The following NUFIP1 variants were observed in gnomAD, a reference collection of about 807,000 sequenced individuals.
NUFIP1 encodes the protein FMR1-interacting protein NUFIP1.
Under a neutral mutation model 56.2 loss-of-function variants are expected in NUFIP1, and 38 were observed. The observed-to-expected ratio is 0.68, with a 90% CI of 0.52 to 0.89. NUFIP1 has a LOEUF of 0.89. Among genes scored for constraint, NUFIP1 ranks in the 40% least tolerant of loss-of-function variants. The pLI is 0.00. For missense variants in NUFIP1, 567 were observed against 605.8 expected, an observed-to-expected ratio of 0.94 and a Z score of 0.67; for synonymous variants, 215 against 212.4, an observed-to-expected ratio of 1.01 and a Z score of -0.10.
chr13:44,962,321 G>A (rs1233906806), intron 6 of NUFIP1, among the ~76,000 whole-genome samples: 3 of 152,132 alleles, frequency 2.0e-5, no homozygotes, highest in Admixed American at 2.0e-4. Flanking sequence ...TTTCTCCACT[G>A]CATTATATTG....
At position 44,955,554 on chromosome 13, in the gene NUFIP1, G is replaced by C. The variant is rs571561187; in HGVS notation, c.1021+3827C>G. On this transcript the variant is annotated intron_variant, in intron 7 of 9. Transcript: ENST00000379161. ...TTATTATTAAAGTGAGCTTAGTGCT[G>C]AAAAGTATCAACTGCCATATGAGAA... Among the ~76,000 whole-genome samples, 6 of 152,318 alleles carry C rather than the reference G, an allele frequency of 3.9e-5. No homozygotes were observed. The East Asian group carries it at 1.2e-3, about 29-fold the overall frequency.
chr13:44,974,027 T>C (rs1448330946), intron 5 of NUFIP1, among the ~76,000 whole-genome samples: 1 of 152,240 alleles, frequency 6.6e-6, no homozygotes, highest in East Asian at 1.9e-4. Flanking sequence ...TGATTAAAAA[T>C]AAAATCAGTT....
intron 7 of NUFIP1, among the ~76,000 whole-genome samples, chr13:44,955,425 T>C (rs1161840279): frequency 3.3e-5 from 5 of 152,348 alleles, no homozygotes; most frequent in South Asian, 2.1e-4. Flanking sequence ...CTGAAAGTTA[T>C]GAAGATCCTC....
rs1870658516 is a variant in NUFIP1, at chr13:44,939,465, T to C, written c.*1741A>G. Reference sequence around the variant, plus strand: ...GATAGGAATGTAGAAGGCAGAAAGTTTGAACAATTAACAAGCTAAATCCAA... The same window carrying C: ...GATAGGAATGTAGAAGGCAGAAAGTCTGAACAATTAACAAGCTAAATCCAA... On this transcript the variant is annotated 3_prime_UTR_variant, in exon 10 of 10. Coordinates refer to ENST00000379161, the MANE Select transcript of NUFIP1 (RefSeq NM_012345.3). The C allele has an allele frequency of 6.6e-6, 1 of 152,234 alleles. No homozygotes were observed. The allele number at this position is 152,234 out of a possible 1,614,324, so 9.4% of individuals were successfully genotyped here.
intron 4 of NUFIP1, 133 bp from the exon 5 acceptor site, chr13:44,979,399 G>T: frequency 3.2e-6 from 2 of 626,528 alleles, no homozygotes; most frequent in South Asian, 2.4e-5. Flanking sequence ...GTATCTATTT[G>T]TGTTATAACT....
rs879747077 is a variant in NUFIP1, at chr13:44,984,860, TC to T, written c.413-2707del. 2.8e-4 allele frequency among the ~76,000 whole-genome samples: 43 copies of T among 152,032 alleles called. 1 individual carries two copies. The highest frequency in any genetic ancestry group is 2.4e-3 in the Admixed American group (37 of 15,250). On this transcript the variant is annotated intron_variant, in intron 1 of 9. Coordinates refer to ENST00000379161, the MANE Select transcript of NUFIP1 (RefSeq NM_012345.3). The stretch of plus-strand genomic sequence containing the variant: ...ATCTCCTAATGCTATACCTCCCCGT[TC>T]CCCCCACCCCACAACAGTCCCCAGA...
At chr13:44,960,486 C>T (rs773641870) in intron 6 of NUFIP1, among the ~76,000 whole-genome samples, 1 of 152,150 alleles carries the variant, frequency 6.6e-6, no homozygotes, top group South Asian at 2.1e-4. Flanking sequence ...AGGATGGTCT[C>T]GAACTCCTGA....
At chr13:44,980,953 G>A in intron 2 of NUFIP1, 133 bp from the exon 3 acceptor site, 1 of 564,174 alleles carries the variant, frequency 1.8e-6, no homozygotes, top group African/African-American at 1.9e-5. Context: ...AAGCTTGTGA[G>A]TATATTTCCA....
intron 8 of NUFIP1, among the ~76,000 whole-genome samples, chr13:44,946,735 G>T (rs1870912549): frequency 6.6e-6 from 1 of 152,138 alleles, no homozygotes. Flanking sequence ...AACTCAGGAA[G>T]AAACAGATTG....
At chr13:44,952,391 C>G (rs905646787) in intron 7 of NUFIP1, among the ~76,000 whole-genome samples, 8 of 152,188 alleles carry the variant, frequency 5.3e-5, no homozygotes, top group Admixed American at 2.0e-4. Flanking sequence ...TTCCAAAGTG[C>G]TGGGATTACA....
intron 5 of NUFIP1, among the ~76,000 whole-genome samples, chr13:44,967,841 T>C (rs1171622414): frequency 2.6e-5 from 4 of 152,064 alleles, no homozygotes; most frequent in Admixed American, 6.6e-5. Context: ...ATAAAAAACA[T>C]AGAAGGAAGG....
chr13:44,966,494 T>C (rs1433949229), intron 5 of NUFIP1, among the ~76,000 whole-genome samples: 1 of 151,804 alleles, frequency 6.6e-6, no homozygotes, highest in Non-Finnish European at 1.5e-5. Context: ...TTTGTATTTT[T>C]TGTAGAGATG....
intron 1 of NUFIP1, among the ~76,000 whole-genome samples, chr13:44,988,392 G>C (rs1196700249): frequency 6.6e-6 from 1 of 152,164 alleles, no homozygotes; most frequent in Non-Finnish European, 1.5e-5. Flanking sequence ...TGCATAGGCT[G>C]GAGTGAAGTA....
intron 6 of NUFIP1, among the ~76,000 whole-genome samples, chr13:44,960,839 G>T (rs1056139002): frequency 6.6e-6 from 1 of 152,038 alleles, no homozygotes; most frequent in Non-Finnish European, 1.5e-5. Context: ...AAGGTGGGCG[G>T]ATCACTTGAG....
chr13:44,946,929 G>A (rs1848652558), intron 8 of NUFIP1, among the ~76,000 whole-genome samples: 2 of 152,282 alleles, frequency 1.3e-5, no homozygotes, highest in South Asian at 4.1e-4. Context: ...GCTTAATAAA[G>A]CTGAATTCAA....
At chr13:44,961,172 T>C (rs1408124150) in intron 6 of NUFIP1, among the ~76,000 whole-genome samples, 6 of 151,708 alleles carry the variant, frequency 4.0e-5, no homozygotes, top group African/African-American at 1.5e-4. Context: ...TAGTAGACAA[T>C]AACACAAGGT....
rs59807376 is a variant in NUFIP1 at position 44,941,122 on chromosome 13, G to GA, written c.*83dup. ...TTTAATTACAAATCCAATTTTGACG[G>GA]AAAAAAGGGTTTTGGTTTTCCTCTA... On this transcript the variant is annotated 3_prime_UTR_variant, in exon 10 of 10. Coordinates refer to ENST00000379161, the MANE Select transcript of NUFIP1 (RefSeq NM_012345.3). The GA allele has an allele frequency of 0.037, 25,483 of 681,162 alleles. 1,641 individuals carry two copies. Among genetic ancestry groups the GA allele is most frequent in the African/African-American group, 0.23 (12,380 of 54,662 alleles). The allele number at this position is 681,162 out of a possible 1,614,324, so 42.2% of individuals were successfully genotyped here.
At chr13:44,956,074 G>A (rs1300020328) in intron 7 of NUFIP1, among the ~76,000 whole-genome samples, 1 of 149,962 alleles carries the variant, frequency 6.7e-6, no homozygotes, top group African/African-American at 2.5e-5. Flanking sequence ...ACCCCAGGGG[G>A]CAGAGCCTGC....
In NUFIP1 at chr13:44,940,187, A is replaced by G. The variant is rs547410632; in HGVS notation, c.*1019T>C. 2 of 152,268 alleles carry G rather than the reference A, an allele frequency of 1.3e-5. No individual in the cohort carries two copies. The highest frequency in any genetic ancestry group is 4.8e-5 in the African/African-American group (2 of 41,560). The allele number at this position is 152,268 out of a possible 1,614,324, so 9.4% of individuals were successfully genotyped here. A position where few individuals can be genotyped will look rare whatever the true frequency, so the allele number is the denominator to read the frequency against. On this transcript the variant is annotated 3_prime_UTR_variant, in exon 10 of 10. Coordinates refer to ENST00000379161, the MANE Select transcript of NUFIP1 (RefSeq NM_012345.3). ...GGGCTCACTGGAGGAGTAGGGTGAA[A>G]CAGAATAAACAGATCTGTATGGTGG...
Sources: gnomAD v4.1 joint callset for allele counts (sites outside exome capture counted in the v4.1 genomes callset) on GRCh38, gnomAD v4.1.1 for gene constraint, MANE v1.5 for transcripts, NCBI Gene and HGNC (gene_info 2026-07-23, HGNC 2026-07-21) for gene names.